C8orf34: variants seen among roughly 807,000 people sequenced by gnomAD.
C8orf34 encodes chromosome 8 open reading frame 34, also known as uncharacterized protein C8orf34.
In C8orf34, 65 loss-of-function variants were observed where a neutral mutation model predicts 68.3. The ratio of observed to expected loss-of-function variants is 0.95; its 90% confidence interval spans 0.78 to 1.17. The LOEUF is 1.17. Ranked by LOEUF, C8orf34 falls within the 50% of genes most tolerant of loss-of-function variation. The pLI is 0.00. For missense variants in C8orf34, 664 were observed against 655.4 expected (o/e 1.01, Z -0.14); for synonymous variants, 244 against 241.2 (o/e 1.01, Z -0.11).
chr8:68,658,982 A>G (rs16934871), intron 8 of C8orf34, among the ~76,000 whole-genome samples: 1,543 of 152,156 alleles, frequency 0.01, 33 homozygotes, highest in African/African-American at 0.035. Context: ...CTTTCATGGC[A>G]TGTATTTTCT....
intron 12 of C8orf34, among the ~76,000 whole-genome samples, chr8:68,815,012 C>A (rs1362529750): frequency 6.6e-6 from 1 of 152,096 alleles, no homozygotes; most frequent in African/African-American, 2.4e-5. Context: ...ATTATTTGAC[C>A]AATGAACCAT....
intron 5 of C8orf34, among the ~76,000 whole-genome samples, chr8:68,489,382 A>T (rs1352501298): frequency 1.3e-5 from 2 of 152,222 alleles, no homozygotes; most frequent in Non-Finnish European, 2.9e-5. Flanking sequence ...CATACACCTC[A>T]TCCAAAATAC....
chr8:68,744,020 C>T lies in C8orf34; in HGVS notation c.1404+22583C>T, dbSNP rs1204332189. 3.3e-5 allele frequency among the ~76,000 whole-genome samples: 5 copies of T among 152,130 alleles called. No homozygotes were observed. The East Asian group carries it at 7.7e-4, about 24-fold the overall frequency. On this transcript the variant is annotated intron_variant, in intron 10 of 13. Transcript: ENST00000518698. The stretch of plus-strand genomic sequence containing the variant: ...TTGAAGAGAGCAGTGGTTCTCCCAG[C>T]ATGCAGCTGGAGATCTGAGAACGGG...
At chr8:68,333,245 G>A (rs1585929882) in intron 1 of C8orf34, among the ~76,000 whole-genome samples, 1 of 152,218 alleles carries the variant, frequency 6.6e-6, no homozygotes, top group Middle Eastern at 3.4e-3. Flanking sequence ...CAAGTTATGC[G>A]CTGAAGAATT....
At chr8:68,533,250 A>G in intron 7 of C8orf34, 101 bp downstream of exon 7, 1 of 1,440,468 alleles carries the variant, frequency 6.9e-7, no homozygotes, top group Non-Finnish European at 9.1e-7. Flanking sequence ...GCCTTGTCTT[A>G]GGGAAAAGAA....
At chr8:68,534,123 T>C (rs1815365656) in intron 7 of C8orf34, 3 of 983,752 alleles carry the variant, frequency 3.0e-6, no homozygotes, top group Non-Finnish European at 3.6e-6. Flanking sequence ...TAAAAAATGA[T>C]ATATTGCTTA....
At chr8:68,527,432 C>T (rs1048010944) in intron 6 of C8orf34, among the ~76,000 whole-genome samples, 11 of 152,078 alleles carry the variant, frequency 7.2e-5, no homozygotes, top group African/African-American at 2.6e-4. Flanking sequence ...ATTAGCCGGG[C>T]GTGGTGGTGG....
chr8:68,775,869 C>G (rs770855818), intron 10 of C8orf34, among the ~76,000 whole-genome samples: 2 of 151,782 alleles, frequency 1.3e-5, no homozygotes, highest in Non-Finnish European at 2.9e-5. Flanking sequence ...ATGGATGGAG[C>G]TGGAAGCCAT....
At chr8:68,749,465 A>G (rs536700342) in intron 10 of C8orf34, among the ~76,000 whole-genome samples, 25 of 152,278 alleles carry the variant, frequency 1.6e-4, no homozygotes, top group African/African-American at 5.8e-4. Flanking sequence ...TAATAAAATA[A>G]AATAAAATTT....
intron 7 of C8orf34, among the ~76,000 whole-genome samples, chr8:68,574,280 A>G (rs2130291633): frequency 6.6e-6 from 1 of 152,164 alleles, no homozygotes; most frequent in Middle Eastern, 3.4e-3. Flanking sequence ...AACTTTTGTG[A>G]GTATTATGAT....
At chr8:68,648,858 A>G (rs1819258464) in intron 8 of C8orf34, among the ~76,000 whole-genome samples, 1 of 152,194 alleles carries the variant, frequency 6.6e-6, no homozygotes, top group Non-Finnish European at 1.5e-5. Flanking sequence ...TGTGGTCTTG[A>G]TAAAGCACAA....
chr8:68,655,382 A>G (rs1439360043), intron 8 of C8orf34, among the ~76,000 whole-genome samples: 1 of 152,320 alleles, frequency 6.6e-6, no homozygotes, highest in African/African-American at 2.4e-5. Context: ...CCTGTCATGA[A>G]TTAGAAAGCA....
At chr8:68,527,788 A>G (rs565570778) in intron 6 of C8orf34, among the ~76,000 whole-genome samples, 91 of 152,242 alleles carry the variant, frequency 6.0e-4, no homozygotes, top group South Asian at 2.9e-3. Flanking sequence ...GGGCCTCGGA[A>G]CCCTAAGTGC....
intron 4 of C8orf34, among the ~76,000 whole-genome samples, chr8:68,472,323 C>T (rs1184479745): frequency 4.6e-5 from 7 of 152,106 alleles, no homozygotes; most frequent in African/African-American, 1.7e-4. Flanking sequence ...AGTGTTTGCC[C>T]CCATCTCAAT....
chr8:68,683,252 A>G (rs1332915468), intron 8 of C8orf34, among the ~76,000 whole-genome samples: 8 of 151,964 alleles, frequency 5.3e-5, no homozygotes, highest in African/African-American at 1.9e-4. Context: ...TTAAAAAGAT[A>G]TTTATATGAT....
At chr8:68,434,336 G>A (rs1439030285) in intron 1 of C8orf34, among the ~76,000 whole-genome samples, 1 of 152,098 alleles carries the variant, frequency 6.6e-6, no homozygotes, top group Non-Finnish European at 1.5e-5. Flanking sequence ...AGTGTGTGGT[G>A]TTCCCCTCCC....
intron 1 of C8orf34, among the ~76,000 whole-genome samples, chr8:68,332,607 G>T (rs756238446): frequency 2.6e-5 from 4 of 152,008 alleles, no homozygotes; most frequent in Non-Finnish European, 5.9e-5. Flanking sequence ...TAATGACCCT[G>T]CAAAAAAAGG....
At chr8:68,503,673 C>A (rs1813875740) in intron 5 of C8orf34, among the ~76,000 whole-genome samples, 2 of 150,508 alleles carry the variant, frequency 1.3e-5, no homozygotes, top group Admixed American at 1.3e-4. Context: ...AGTAGTTATT[C>A]TCTTTTCTTT....
At chr8:68,518,636 G>A (rs891730723) in intron 5 of C8orf34, among the ~76,000 whole-genome samples, 2 of 152,126 alleles carry the variant, frequency 1.3e-5, no homozygotes, top group African/African-American at 4.8e-5. Flanking sequence ...GGTGGTTCAT[G>A]AATGTAATCC....
Sources: gnomAD v4.1 joint callset for allele counts (sites outside exome capture counted in the v4.1 genomes callset) on GRCh38, gnomAD v4.1.1 for gene constraint, MANE v1.5 for transcripts, NCBI Gene and HGNC (gene_info 2026-07-23, HGNC 2026-07-21) for gene names.